The following NR1H4 variants were observed in gnomAD, a reference collection of about 807,000 sequenced individuals.
The protein encoded by NR1H4 is nuclear receptor subfamily 1 group H member 4, also known as bile acid receptor.
In NR1H4, 23 loss-of-function variants were observed where a neutral mutation model predicts 58.5. The ratio of observed to expected loss-of-function variants is 0.39; its 90% CI spans 0.28 to 0.56. The LOEUF (loss-of-function observed/expected upper bound fraction) is 0.56, where lower values mean the gene tolerates loss of function less well. Ranked by LOEUF, NR1H4 falls within the 20% of genes least tolerant of loss-of-function variation. NR1H4 has a pLI of 0.58. For missense variants in NR1H4, 487 were observed against 576.9 expected (o/e 0.84, Z 1.60); for synonymous variants, 214 against 198.0 (o/e 1.08, Z -0.68).
intron 3 of NR1H4, chr12:100,505,424 G>A (rs1339109731): frequency 4.5e-6 from 2 of 448,868 alleles, no homozygotes; most frequent in Non-Finnish European, 7.9e-6. Context: ...ACATTCCAAG[G>A]GTTCAATATC....
intron 4 of NR1H4, among the ~76,000 whole-genome samples, chr12:100,524,452 C>T (rs1343916294): frequency 6.6e-6 from 1 of 152,114 alleles, no homozygotes; most frequent in Non-Finnish European, 1.5e-5. Flanking sequence ...GGGGGTTTGC[C>T]TACCTGGCAC....
At chr12:100,537,265 T>C (rs1954835427) in intron 8 of NR1H4, among the ~76,000 whole-genome samples, 1 of 152,244 alleles carries the variant, frequency 6.6e-6, no homozygotes, top group Non-Finnish European at 1.5e-5. Context: ...GGTCTGTTCT[T>C]TGTAAAATGA....
chr12:100,535,596 T>C (rs1439528229), intron 6 of NR1H4, among the ~76,000 whole-genome samples: 1 of 152,244 alleles, frequency 6.6e-6, no homozygotes, highest in Non-Finnish European at 1.5e-5. Flanking sequence ...TGCCATTAGC[T>C]GAAAAACCAG....
At chr12:100,514,966 C>T (rs980692513) in intron 4 of NR1H4, among the ~76,000 whole-genome samples, 8 of 151,864 alleles carry the variant, frequency 5.3e-5, no homozygotes, top group African/African-American at 1.5e-4. Context: ...TTTTGTTGCC[C>T]AAAATGTTAC....
chr12:100,498,780 G>A (rs77861679), intron 3 of NR1H4, among the ~76,000 whole-genome samples: 4,590 of 152,010 alleles, frequency 0.03, 157 homozygotes, highest in East Asian at 0.15. Context: ...CAGTCTTTCC[G>A]GAGCCCCATT....
In NR1H4 at chr12:100,519,203, A is replaced by G. The variant is rs560054177; in HGVS notation, c.445+8060A>G. 3.1e-3 allele frequency among the ~76,000 whole-genome samples: 469 copies of G among 152,278 alleles called. 1 individual carries two copies. Among genetic ancestry groups the G allele is most frequent in the African/African-American group, 0.011 (442 of 41,546 alleles). On this transcript the variant is annotated intron_variant, in intron 4 of 10. Transcript: ENST00000392986. ...GAGAAATGTAACTTTATTTTTTAAAATTGGATTTAATTCAGTCTAGAGCTC... is the reference window on the plus strand; with the variant it reads ...GAGAAATGTAACTTTATTTTTTAAAGTTGGATTTAATTCAGTCTAGAGCTC...
chr12:100,489,414 A>T (rs982999036), intron 1 of NR1H4, among the ~76,000 whole-genome samples: 3 of 152,222 alleles, frequency 2.0e-5, no homozygotes, highest in Admixed American at 2.0e-4. Context: ...CTGCTACTGC[A>T]GGGAGAAAAG....
At chr12:100,505,965 A>G (rs1045909290) in intron 3 of NR1H4, 1 of 240,654 alleles carries the variant, frequency 4.2e-6, no homozygotes, top group South Asian at 6.0e-5. Context: ...ATATGTTCAG[A>G]CCCTAACACA....
At chr12:100,527,766 G>A (rs12311990) in intron 4 of NR1H4, among the ~76,000 whole-genome samples, 10,268 of 152,042 alleles carry the variant, frequency 0.068, 1,083 homozygotes, top group African/African-American at 0.23. Context: ...TTGTCCTTGC[G>A]ATCGTTTGCT....
chr12:100,523,103 T>G (rs1954468157), intron 4 of NR1H4, among the ~76,000 whole-genome samples: 1 of 152,222 alleles, frequency 6.6e-6, no homozygotes, highest in African/African-American at 2.4e-5. Context: ...ATGGTAGATC[T>G]ACTTTCAGTT....
chr12:100,481,279 G>A (rs1241979646), intron 1 of NR1H4, among the ~76,000 whole-genome samples: 1 of 151,882 alleles, frequency 6.6e-6, no homozygotes, highest in Non-Finnish European at 1.5e-5. Flanking sequence ...AAAAAAAAAT[G>A]ACAAGTTAGT....
intron 9 of NR1H4, among the ~76,000 whole-genome samples, chr12:100,546,396 T>A (rs1955070767): frequency 1.3e-5 from 2 of 152,072 alleles, no homozygotes; most frequent in South Asian, 4.1e-4. Context: ...GGATTCTTTG[T>A]TCCAAATCAA....
At chr12:100,524,393 G>C (rs1047951815) in intron 4 of NR1H4, among the ~76,000 whole-genome samples, 1 of 152,154 alleles carries the variant, frequency 6.6e-6, no homozygotes. Context: ...AGGAACCTCA[G>C]GGAAGATGCT....
chr12:100,533,434 T>A (rs1954741742), intron 5 of NR1H4, among the ~76,000 whole-genome samples: 1 of 152,190 alleles, frequency 6.6e-6, no homozygotes, highest in African/African-American at 2.4e-5. Context: ...TACGGGCAAC[T>A]GGGATGGACC....
rs540962588 is a variant in NR1H4, at chr12:100,558,157, G to A, written c.1079-3728G>A. On this transcript the variant is annotated intron_variant, in intron 9 of 10. Transcript: ENST00000392986. ...GGGTGGATCACAAGGTCAGGGTTTC[G>A]AGATCAGCTTGGCCAATATAGTGAA... Among the ~76,000 whole-genome samples the A allele has an allele frequency of 1.2e-3, 172 of 147,058 alleles. 1 individual carries two copies. The highest frequency in any genetic ancestry group is 4.1e-3 in the African/African-American group (161 of 39,576).
At chr12:100,514,342 G>A (rs2136171605) in intron 4 of NR1H4, among the ~76,000 whole-genome samples, 1 of 152,240 alleles carries the variant, frequency 6.6e-6, no homozygotes, top group Middle Eastern at 3.4e-3. Flanking sequence ...CATCTTCTAA[G>A]CAAGTTTATA....
intron 9 of NR1H4, among the ~76,000 whole-genome samples, chr12:100,558,268 G>A (rs1163416646): frequency 6.8e-6 from 1 of 147,214 alleles, no homozygotes. Flanking sequence ...AGCTACTTGG[G>A]AGGCCAAGGG....
chr12:100,525,932 T>G (rs1954544182), intron 4 of NR1H4, among the ~76,000 whole-genome samples: 1 of 152,160 alleles, frequency 6.6e-6, no homozygotes, highest in Non-Finnish European at 1.5e-5. Context: ...ATTTCTTTAT[T>G]TTTCTTTTAA....
chr12:100,538,895 A>T (rs1367058593), intron 8 of NR1H4, among the ~76,000 whole-genome samples: 1 of 152,210 alleles, frequency 6.6e-6, no homozygotes, highest in Non-Finnish European at 1.5e-5. Flanking sequence ...AACTTAATTT[A>T]CTATATGCTA....
Sources: gnomAD v4.1 joint callset for allele counts (sites outside exome capture counted in the v4.1 genomes callset) on GRCh38, gnomAD v4.1.1 for gene constraint, MANE v1.5 for transcripts, NCBI Gene and HGNC (gene_info 2026-07-23, HGNC 2026-07-21) for gene names.